FHIT: variants seen among roughly 807,000 people sequenced by gnomAD.
The protein encoded by FHIT is bis(5'-adenosyl)-triphosphatase.
A neutral mutation model predicts 17.9 loss-of-function variants in FHIT; 19 were observed. That is an observed-to-expected ratio of 1.06 (90% CI 0.74 to 1.56). FHIT has a LOEUF of 1.56. Among genes scored for constraint, FHIT ranks in the 40% most tolerant of loss-of-function variants. FHIT has a pLI of 0.00. For missense variants in FHIT, 248 were observed against 189.2 expected, an observed-to-expected ratio of 1.31 and a Z score of -1.82; for synonymous variants, 81 against 69.7, an observed-to-expected ratio of 1.16 and a Z score of -0.81.
chr3:60,338,444 T>G lies in FHIT; in HGVS notation c.103+198416A>C, dbSNP rs150951389. Among the ~76,000 whole-genome samples, 677 of 152,306 alleles carry G rather than the reference T, an allele frequency of 4.4e-3. 2 individuals are homozygous for G. Among genetic ancestry groups the G allele is most frequent in the African/African-American group, 0.015 (632 of 41,574 alleles). Reference sequence around the variant, plus strand: ...GCAGCGGCATGATCTCCACCAGGCCTTGGCTTCTCAAAGTTCTGTGATTAT... The same window carrying G: ...GCAGCGGCATGATCTCCACCAGGCCGTGGCTTCTCAAAGTTCTGTGATTAT... On this transcript the variant is annotated intron_variant, in intron 5 of 9. Coordinates refer to ENST00000492590, the MANE Select transcript of FHIT (RefSeq NM_002012.4).
chr3:60,946,733 G>A (rs1708657215), intron 3 of FHIT, among the ~76,000 whole-genome samples: 2 of 152,136 alleles, frequency 1.3e-5, no homozygotes, highest in Non-Finnish European at 2.9e-5. Context: ...AATACCAGAA[G>A]ACACCAACTC....
chr3:60,375,233 G>A (rs971850885), intron 5 of FHIT, among the ~76,000 whole-genome samples: 7 of 151,942 alleles, frequency 4.6e-5, no homozygotes, highest in Non-Finnish European at 7.4e-5. Context: ...ACATCCTTAA[G>A]TAGAAACCCA....
chr3:59,914,198 T>C (rs1705020758), intron 8 of FHIT, among the ~76,000 whole-genome samples: 1 of 89,912 alleles, frequency 1.1e-5, no homozygotes, highest in African/African-American at 2.8e-5. Flanking sequence ...TAATGAGATA[T>C]TTACTTTTTT....
At chr3:61,131,402 T>C (rs1361280031) in intron 2 of FHIT, among the ~76,000 whole-genome samples, 5 of 152,188 alleles carry the variant, frequency 3.3e-5, no homozygotes, top group Non-Finnish European at 7.3e-5. Context: ...GCATCCATCT[T>C]TGGTTGTTAT....
At chr3:60,567,647 A>T (rs1479038783) in intron 4 of FHIT, among the ~76,000 whole-genome samples, 2 of 152,142 alleles carry the variant, frequency 1.3e-5, no homozygotes, top group South Asian at 2.1e-4. Flanking sequence ...AGCAAAAGAA[A>T]CTACCATCAG....
chr3:60,214,732 C>T (rs1467655397), intron 5 of FHIT, among the ~76,000 whole-genome samples: 2 of 152,132 alleles, frequency 1.3e-5, no homozygotes, highest in Admixed American at 1.3e-4. Flanking sequence ...CATTGCAGTA[C>T]TATTCACAAT....
At chr3:60,202,119 G>A (rs1402471353) in intron 5 of FHIT, among the ~76,000 whole-genome samples, 1 of 152,192 alleles carries the variant, frequency 6.6e-6, no homozygotes, top group Admixed American at 6.5e-5. Context: ...TAATGTTACA[G>A]TGGAAAGAGC....
chr3:60,775,282 C>T (rs11130783), intron 4 of FHIT, among the ~76,000 whole-genome samples: 18,265 of 152,186 alleles, frequency 0.12, 1,329 homozygotes, highest in African/African-American at 0.2. Flanking sequence ...GGGACAACCA[C>T]CCAAGTCTCC....
chr3:60,630,952 A>T (rs1467045557), intron 4 of FHIT, among the ~76,000 whole-genome samples: 4 of 113,076 alleles, frequency 3.5e-5, no homozygotes, highest in Non-Finnish European at 7.6e-5. Context: ...AAAAAAAAAA[A>T]AAAACACACA....
At position 59,956,349 on chromosome 3, in the gene FHIT, C is replaced by G. The variant is rs142723984; in HGVS notation, c.280-33935G>C. On this transcript the variant is annotated intron_variant, in intron 7 of 9. Coordinates refer to ENST00000492590, the MANE Select transcript of FHIT (RefSeq NM_002012.4). Reference sequence around the variant, plus strand: ...AGGAGTTTGAGACCAGTCTGGGCAACGAAGCAAGACCTATTTGCCAAAAAA... The same window carrying G: ...AGGAGTTTGAGACCAGTCTGGGCAAGGAAGCAAGACCTATTTGCCAAAAAA... Among the ~76,000 whole-genome samples, 18 of 152,018 alleles carry G rather than the reference C, an allele frequency of 1.2e-4. No homozygotes were observed. In the East Asian group the frequency reaches 3.5e-3, roughly 29 times the overall value.
intron 4 of FHIT, among the ~76,000 whole-genome samples, chr3:60,781,931 C>T (rs895689051): frequency 5.9e-5 from 9 of 152,090 alleles, no homozygotes; most frequent in Non-Finnish European, 1.3e-4. Context: ...TTAAATCAAG[C>T]TAATTAACAT....
chr3:60,045,415 A>C (rs914951824), intron 5 of FHIT, among the ~76,000 whole-genome samples: 1 of 150,510 alleles, frequency 6.6e-6, no homozygotes, highest in South Asian at 2.1e-4. Flanking sequence ...GTGCAGGGAA[A>C]CTCCCCCTTA....
intron 7 of FHIT, among the ~76,000 whole-genome samples, chr3:59,988,916 A>G (rs752885342): frequency 6.6e-6 from 1 of 152,234 alleles, no homozygotes; most frequent in South Asian, 2.1e-4. Context: ...ACTCTAAGAC[A>G]GATTCTCCCA....
intron 5 of FHIT, among the ~76,000 whole-genome samples, chr3:60,390,396 T>TGAAAAAAA (rs1701174274): frequency 1.2e-4 from 4 of 32,030 alleles, no homozygotes; most frequent in African/African-American, 4.9e-4. Flanking sequence ...GTAATGGAGC[T>TGAAAAAAA]AAAAAAAAAA....
intron 2 of FHIT, among the ~76,000 whole-genome samples, chr3:61,113,251 C>T (rs2036211820): frequency 6.6e-6 from 1 of 152,072 alleles, no homozygotes. Flanking sequence ...CTCAAGTGAT[C>T]TTGCCACCTG....
chr3:59,805,484 AGAAAG>A, intron 8 of FHIT, among the ~76,000 whole-genome samples: 1 of 152,292 alleles, frequency 6.6e-6, no homozygotes, highest in South Asian at 2.1e-4. Context: ...GGTGCCCTGA[AGAAAG>A]GAATGTTCTT....
At chr3:60,839,563 T>C (rs1702647558) in intron 3 of FHIT, among the ~76,000 whole-genome samples, 1 of 152,184 alleles carries the variant, frequency 6.6e-6, no homozygotes, top group African/African-American at 2.4e-5. Flanking sequence ...ATTTACTAAA[T>C]GAAAATTTTC....
chr3:60,919,143 G>C (rs782641388), intron 3 of FHIT, among the ~76,000 whole-genome samples: 28 of 152,110 alleles, frequency 1.8e-4, no homozygotes, highest in Non-Finnish European at 3.7e-4. Context: ...TGATGCAGGG[G>C]GCCTCATGTC....
rs10662932 is a variant in FHIT, at chr3:60,849,441, A to AATATATAT, written c.-110-27438_-110-27431dup. On this transcript the variant is annotated intron_variant, in intron 3 of 9. Transcript: ENST00000492590. Reference sequence around the variant, plus strand: ...AGGACTTTTGTTAATACAAAAATGAAATATATATATATATATATATATAAA... The same window carrying AATATATAT: ...AGGACTTTTGTTAATACAAAAATGAAATATATATATATATATATATATATATATATAAA... Among the ~76,000 whole-genome samples the AATATATAT allele has an allele frequency of 7.5e-3, 1,038 of 137,676 alleles. 17 individuals are homozygous for AATATATAT. Among genetic ancestry groups the AATATATAT allele is most frequent in the African/African-American group, 0.019 (707 of 36,408 alleles). The allele number at this position is 137,676 out of a possible 152,430, so 90.3% of individuals were successfully genotyped here.
Sources: allele counts gnomAD v4.1 joint callset (sites outside exome capture counted in the v4.1 genomes callset), GRCh38; gene constraint gnomAD v4.1.1; transcripts MANE v1.5; gene names NCBI Gene and HGNC (gene_info 2026-07-23, HGNC 2026-07-21).